WNT2B: variants seen among roughly 807,000 people sequenced by gnomAD.
The protein encoded by WNT2B is protein Wnt-2b.
A neutral mutation model predicts 40.5 loss-of-function variants in WNT2B; 19 were observed. That is an observed-to-expected ratio of 0.47 (90% CI 0.33 to 0.69). WNT2B has a LOEUF of 0.69. WNT2B is among the 30% of genes least tolerant of loss of function. The pLI is 0.02. For missense variants in WNT2B, 467 were observed against 556.4 expected, an observed-to-expected ratio of 0.84 and a Z score of 1.62; for synonymous variants, 220 against 211.9, an observed-to-expected ratio of 1.04 and a Z score of -0.33.
intron 1 of WNT2B, among the ~76,000 whole-genome samples, chr1:112,474,752 T>C (rs1651004643): frequency 6.6e-6 from 1 of 152,196 alleles, no homozygotes; most frequent in Non-Finnish European, 1.5e-5. Flanking sequence ...ATCTCCAATG[T>C]TGGAGGTGGA....
At position 112,516,403 on chromosome 1, in the gene WNT2B, C is replaced by T. The variant is rs1024218698; in HGVS notation, c.667C>T (p.Arg223Cys). Residue 223 changes from arginine (R) to cysteine (C), a missense_variant, in exon 3 of 5, where the codon CGC becomes TGC. By Grantham distance (180) the Arg-to-Cys change is radical. Transcript: ENST00000369684. Reference protein sequence around the residue: ...ARALMNLHNNRCGRTAVRRFL... With the variant: ...ARALMNLHNNCCGRTAVRRFL... Reference sequence around the variant, plus strand: ...GGCCCTCATGAACTTACATAATAACCGCTGTGGTCGCACGGTCAGTACTCA... The same window carrying T: ...GGCCCTCATGAACTTACATAATAACTGCTGTGGTCGCACGGTCAGTACTCA... The T allele has an allele frequency of 4.3e-6, 7 of 1,612,640 alleles. No individual in the cohort carries two copies. Among genetic ancestry groups the T allele is most frequent in the Non-Finnish European group, 5.9e-6 (7 of 1,179,604 alleles).
chr1:112,477,009 A>G (rs1313225432), intron 1 of WNT2B, among the ~76,000 whole-genome samples: 1 of 152,142 alleles, frequency 6.6e-6, no homozygotes, highest in Non-Finnish European at 1.5e-5. Flanking sequence ...CACTACCAAC[A>G]TGAGCACACC....
chr1:112,513,471 C>T (rs1652424195), intron 1 of WNT2B, among the ~76,000 whole-genome samples: 1 of 149,206 alleles, frequency 6.7e-6, no homozygotes, highest in Admixed American at 6.8e-5. Flanking sequence ...AGCATCAGCC[C>T]TCCTTGTGTT....
intron 1 of WNT2B, among the ~76,000 whole-genome samples, chr1:112,476,988 A>G (rs1236287108): frequency 3.9e-5 from 6 of 152,134 alleles, no homozygotes; most frequent in Admixed American, 1.3e-4. Context: ...CCAAGCATCA[A>G]ATACCAGCAC....
chr1:112,514,375 T>C (rs925138587), intron 1 of WNT2B, among the ~76,000 whole-genome samples: 1 of 152,174 alleles, frequency 6.6e-6, no homozygotes, highest in Non-Finnish European at 1.5e-5. Flanking sequence ...TTGCTCACTA[T>C]GTCTCTTCCC....
intron 1 of WNT2B, among the ~76,000 whole-genome samples, chr1:112,492,108 T>A (rs1406251686): frequency 6.6e-6 from 1 of 152,088 alleles, no homozygotes. Context: ...TACAAAGGAC[T>A]TATTTTCCAC....
At chr1:112,477,855 A>G (rs940359633) in intron 1 of WNT2B, among the ~76,000 whole-genome samples, 1 of 152,228 alleles carries the variant, frequency 6.6e-6, no homozygotes, top group Non-Finnish European at 1.5e-5. Context: ...ACAAAAGAGA[A>G]AAAAGAATGG....
Position 112,484,222 on chromosome 1 carries a change from T to TATATATATACAC in WNT2B, c.-95+16665_-95+16676dup, listed in dbSNP as rs758495364. On this transcript the variant is annotated intron_variant, in intron 1 of 4. Transcript: ENST00000256640. ...CAAAAATTTTATATATATATACACA[T>TATATATATACAC]ATATATATACACATATATATACACA... Among the ~76,000 whole-genome samples, 41 of 123,360 alleles carry TATATATATACAC rather than the reference T, an allele frequency of 3.3e-4. 1 individual carries two copies. The highest frequency in any genetic ancestry group is 8.6e-4 in the African/African-American group (23 of 26,642). 80.9% of individuals were successfully genotyped at this position (123,360 alleles called of 152,430 possible).
chr1:112,473,925 C>T (rs1421965443), intron 1 of WNT2B, among the ~76,000 whole-genome samples: 3 of 149,642 alleles, frequency 2.0e-5, no homozygotes, highest in African/African-American at 7.4e-5. Context: ...ATTAGCCGGG[C>T]GTGGTGGCAG....
Position 112,525,935 on chromosome 1 carries a change from T to C in WNT2B, c.*5426T>C, listed in dbSNP as rs756268125. The C allele has an allele frequency of 4.4e-6, 7 of 1,587,918 alleles. No homozygotes were observed. The highest frequency in any genetic ancestry group is 1.7e-5 in the Admixed American group (1 of 57,950). On this transcript the variant is annotated 3_prime_UTR_variant, in exon 5 of 5. Coordinates refer to ENST00000369684, the MANE Select transcript of WNT2B (RefSeq NM_024494.3). ...TAATCCTCACAACAACCCTGTGAGG[T>C]AGGGGTTACTGTCACTTTACAGATG...
At position 112,488,696 on chromosome 1, in the gene WNT2B, C is replaced by A. The variant is rs149349557; in HGVS notation, c.-95+21105C>A. Among the ~76,000 whole-genome samples, 8 of 151,956 alleles carry A rather than the reference C, an allele frequency of 5.3e-5. No homozygotes were observed. The East Asian group carries it at 9.7e-4, about 18-fold the overall frequency. On this transcript the variant is annotated intron_variant, in intron 1 of 4. Coordinates refer to the WNT2B transcript ENST00000256640. ...CCTCCCGAGTAGCTGGGACTACAGG[C>A]GCTCGCCACCATGCCCGGCTAATTT... is the stretch of plus-strand genomic sequence containing the variant.
chr1:112,472,898 T>A (rs1650924585), intron 1 of WNT2B, among the ~76,000 whole-genome samples: 1 of 148,544 alleles, frequency 6.7e-6, no homozygotes, highest in South Asian at 2.1e-4. Context: ...GGGAGATTGA[T>A]GCTGCCGTGA....
chr1:112,500,564 G>C (rs1651914582), intron 1 of WNT2B, among the ~76,000 whole-genome samples: 1 of 152,158 alleles, frequency 6.6e-6, no homozygotes, highest in Non-Finnish European at 1.5e-5. Context: ...TAGCCCAGGA[G>C]TTCAAGACCA....
chr1:112,468,904 C>CT, intron 1 of WNT2B, among the ~76,000 whole-genome samples: 1 of 152,220 alleles, frequency 6.6e-6, no homozygotes, highest in East Asian at 1.9e-4. Flanking sequence ...AAGAGTTTTT[C>CT]TTATGTTTTC....
chr1:112,489,362 C>G (rs1337192839), intron 1 of WNT2B, among the ~76,000 whole-genome samples: 1 of 151,840 alleles, frequency 6.6e-6, no homozygotes, highest in Non-Finnish European at 1.5e-5. Context: ...AGTTCAAGAC[C>G]AGCATGGCCA....
chr1:112,474,070 A>G (rs1179028452), intron 1 of WNT2B, among the ~76,000 whole-genome samples: 1 of 150,218 alleles, frequency 6.7e-6, no homozygotes, highest in African/African-American at 2.4e-5. Context: ...GTCTCAAAAA[A>G]AAAAAAAAAA....
At chr1:112,468,894 A>C (rs1265620353) in intron 1 of WNT2B, among the ~76,000 whole-genome samples, 2 of 152,078 alleles carry the variant, frequency 1.3e-5, no homozygotes, top group Admixed American at 6.5e-5. Flanking sequence ...CAATGCCCTG[A>C]AGAGTTTTTC....
chr1:112,511,875 A>C (rs921200132), intron 1 of WNT2B, among the ~76,000 whole-genome samples: 1 of 152,194 alleles, frequency 6.6e-6, no homozygotes, highest in African/African-American at 2.4e-5. Context: ...ATGGCCAAAC[A>C]CCTTATGAGC....
At chr1:112,467,653 G>C in intron 1 of WNT2B, 1 of 748,804 alleles carries the variant, frequency 1.3e-6, no homozygotes, top group Non-Finnish European at 2.5e-6. Flanking sequence ...TTTTCTTCTC[G>C]ATACATAATA....
Sources: allele counts gnomAD v4.1 joint callset (sites outside exome capture counted in the v4.1 genomes callset), GRCh38; gene constraint gnomAD v4.1.1; transcripts MANE v1.5; gene names NCBI Gene and HGNC (gene_info 2026-07-23, HGNC 2026-07-21).